The following RHD variants were observed in gnomAD, a reference collection of about 807,000 sequenced individuals.
The protein encoded by RHD is Rh blood group D antigen.
A neutral mutation model predicts 45.5 loss-of-function variants in RHD; 16 were observed. The ratio of observed to expected loss-of-function variants is 0.35; its 90% CI spans 0.24 to 0.53. RHD has a LOEUF of 0.53. Among genes scored for constraint, RHD ranks in the 20% least tolerant of loss-of-function variants. RHD has a pLI of 0.92. For missense variants in RHD, 306 were observed against 532.0 expected (o/e 0.58, Z 4.18); for synonymous variants, 131 against 217.5 (o/e 0.60, Z 3.50).
At chr1:25,307,407 T>A (rs1220237808) in intron 7 of RHD, among the ~76,000 whole-genome samples, 1 of 131,998 alleles carries the variant, frequency 7.6e-6, no homozygotes, top group East Asian at 2.0e-4. Context: ...TGGACATGGC[T>A]TATATAAAAT....
chr1:25,320,024 G>A (rs1408263436), intron 8 of RHD, among the ~76,000 whole-genome samples: 7 of 130,896 alleles, frequency 5.3e-5, no homozygotes, highest in African/African-American at 1.8e-4. Flanking sequence ...TCAGCCTCCC[G>A]AGTAGCTGGG....
At chr1:25,305,403 T>C (rs1643727460) in intron 6 of RHD, among the ~76,000 whole-genome samples, 1 of 125,652 alleles carries the variant, frequency 8.0e-6, no homozygotes, top group South Asian at 2.4e-4. Flanking sequence ...TTTATTTATT[T>C]ATTTATTTAT....
intron 1 of RHD, among the ~76,000 whole-genome samples, chr1:25,273,302 A>ATTTTTT (rs750823240): frequency 1.5e-4 from 15 of 97,772 alleles, no homozygotes; most frequent in African/African-American, 5.5e-4. Context: ...TGCCTGGCTA[A>ATTTTTT]TTTTTTTTTT....
chr1:25,283,009 ATC>A lies in RHD; in HGVS notation c.149-1553_149-1552del, dbSNP rs1030775589. On this transcript the variant is annotated intron_variant, in intron 1 of 9. Transcript: ENST00000328664. ...AATGACGGAAAAAAAATTCTTCAAG[ATC>A]TCTCTCTCTCCAGTCATTTATTCAT... Among the ~76,000 whole-genome samples the A allele has an allele frequency of 1.1e-4, 14 of 132,922 alleles. 2 individuals are homozygous for A. The highest frequency in any genetic ancestry group is 3.3e-4 in the African/African-American group (13 of 39,074). 87.2% of individuals were successfully genotyped at this position (132,922 alleles called of 152,430 possible).
chr1:25,290,213 G>C (rs1002186066), intron 2 of RHD, among the ~76,000 whole-genome samples: 1 of 129,406 alleles, frequency 7.7e-6, no homozygotes, highest in African/African-American at 2.7e-5. Context: ...GGGGTGACTG[G>C]ATGTGGGCAG....
chr1:25,321,547 A>G (rs1466123282), intron 8 of RHD, among the ~76,000 whole-genome samples: 1 of 122,444 alleles, frequency 8.2e-6, no homozygotes, highest in Admixed American at 8.1e-5. Context: ...GCAGGCGCCT[A>G]TAATCTCAGC....
At chr1:25,303,214 A>G in intron 5 of RHD, 108 bp from the exon 6 acceptor site, 1 of 1,019,242 alleles carries the variant, frequency 9.8e-7, no homozygotes, top group Non-Finnish European at 1.5e-6. Flanking sequence ...TCAGCAAAGC[A>G]GGGAGGATGT....
At chr1:25,289,114 A>G (rs563513614) in intron 2 of RHD, among the ~76,000 whole-genome samples, 2 of 131,594 alleles carry the variant, frequency 1.5e-5, no homozygotes, top group African/African-American at 5.2e-5. Flanking sequence ...ACTGTTTCCA[A>G]AAAGTCCATT....
chr1:25,318,863 T>G (rs1204342825), intron 8 of RHD, among the ~76,000 whole-genome samples: 1 of 132,518 alleles, frequency 7.5e-6, no homozygotes, highest in Admixed American at 7.4e-5. Context: ...AGGTACTTTT[T>G]GGAGTTACCT....
chr1:25,296,052 G>A (rs1283499245), intron 3 of RHD, among the ~76,000 whole-genome samples: 4 of 112,274 alleles, frequency 3.6e-5, no homozygotes, highest in Admixed American at 8.6e-5. Context: ...TAGTAGAGAC[G>A]GAGTTTTGCC....
chr1:25,286,706 A>G (rs1463488155), intron 2 of RHD, among the ~76,000 whole-genome samples: 3 of 134,020 alleles, frequency 2.2e-5, no homozygotes, highest in African/African-American at 2.6e-5. Flanking sequence ...GAATGGCGTG[A>G]ACCCGGGAGG....
rs1169915819 is a variant in RHD, at chr1:25,299,544, T to C, written c.487-1402T>C. On this transcript the variant is annotated intron_variant, in intron 3 of 9. Coordinates refer to ENST00000328664, the MANE Select transcript of RHD (RefSeq NM_016124.6). ...GTTACACCCTGGCTGGGGGTCAGCATTTCAGGCAGCTGAATGACCCAAAGT... is the reference window on the plus strand; with the variant it reads ...GTTACACCCTGGCTGGGGGTCAGCACTTCAGGCAGCTGAATGACCCAAAGT... Among the ~76,000 whole-genome samples the C allele has an allele frequency of 1.5e-5, 2 of 130,350 alleles. 1 individual carries two copies. Among genetic ancestry groups the C allele is most frequent in the Non-Finnish European group, 3.6e-5 (2 of 55,248 alleles). 85.5% of individuals were successfully genotyped at this position (130,350 alleles called of 152,430 possible).
intron 3 of RHD, chr1:25,294,741 C>T: frequency 2.1e-6 from 1 of 483,050 alleles, no homozygotes; most frequent in Non-Finnish European, 3.9e-6. Flanking sequence ...GTTCAGTCTC[C>T]TGCAGGGAGA....
At position 25,305,955 on chromosome 1, in the gene RHD, T is replaced by C. The variant is rs1277418659; in HGVS notation, c.940-641T>C. Among the ~76,000 whole-genome samples, 2 of 131,778 alleles carry C rather than the reference T, an allele frequency of 1.5e-5. 1 individual carries two copies. Among genetic ancestry groups the C allele is most frequent in the Non-Finnish European group, 3.6e-5 (2 of 55,850 alleles). 86.5% of individuals were successfully genotyped at this position (131,778 alleles called of 152,430 possible). ...ATTCTAAGGAAGGAACCAGCCTGAT[T>C]GAATTTGCATATGTGTCCACATCTG... is the stretch of plus-strand genomic sequence containing the variant. On this transcript the variant is annotated intron_variant, in intron 6 of 9. Transcript: ENST00000328664.
intron 7 of RHD, chr1:25,307,673 A>C: frequency 7.7e-7 from 1 of 1,298,716 alleles, no homozygotes; most frequent in Non-Finnish European, 1.1e-6. Flanking sequence ...CTGGCTGTAA[A>C]AATGGCTGAA....
Position 25,303,361 on chromosome 1 carries a change from G to C in RHD, c.841G>C (p.Val281Leu), listed in dbSNP as rs765261145. 3.9e-5 allele frequency: 53 copies of C among 1,373,420 alleles called. 8 individuals carry two copies. In the African/African-American group the frequency reaches 6.4e-4, roughly 17 times the overall value. The allele number at this position is 1,373,420 out of a possible 1,614,324, so 85.1% of individuals were successfully genotyped here. The part of the protein sequence containing the change: ...HSAVLAGGVA[V>L]GTSCHLIPSP... Reference sequence around the variant, plus strand: ...TGCGGTGTTGGCAGGAGGCGTGGCTGTGGGTACCTCGTGTCACCTGATCCC... The same window carrying C: ...TGCGGTGTTGGCAGGAGGCGTGGCTCTGGGTACCTCGTGTCACCTGATCCC... The change falls in exon 6 of 10, where the codon GTG (valine) becomes CTG (leucine). Residue 281 changes from valine (V) to leucine (L), a missense_variant. Transcript: ENST00000328664.
rs557746335 is a variant in RHD at position 25,276,532 on chromosome 1, TAAAA to T, written c.148+3857_148+3860del. 2.3e-3 allele frequency among the ~76,000 whole-genome samples: 147 copies of T among 64,784 alleles called. 11 individuals are homozygous for T. The highest frequency in any genetic ancestry group is 0.013 in the South Asian group (30 of 2,288). 42.5% of individuals were successfully genotyped at this position (64,784 alleles called of 152,430 possible). A position where few individuals can be genotyped will look rare whatever the true frequency, so the allele number is the denominator to read the frequency against. On this transcript the variant is annotated intron_variant, in intron 1 of 9. Coordinates refer to ENST00000328664, the MANE Select transcript of RHD (RefSeq NM_016124.6). ...ACATAGGGAGACCCCCCCCCATCTC[TAAAA>T]AAAAAAAAAAAAAAAAAAACTTTAA...
intron 7 of RHD, among the ~76,000 whole-genome samples, chr1:25,314,315 A>T (rs1406949673): frequency 3.8e-5 from 5 of 132,980 alleles, no homozygotes; most frequent in African/African-American, 1.3e-4. Context: ...ATCTCCAATA[A>T]CTAACTAAAT....
intron 1 of RHD, among the ~76,000 whole-genome samples, chr1:25,275,344 C>G (rs1241606062): frequency 1.5e-5 from 2 of 132,046 alleles, no homozygotes; most frequent in African/African-American, 2.6e-5. Flanking sequence ...GGCAGACTCA[C>G]TGGGCTGCAT....
Sources: gnomAD v4.1 joint callset for allele counts (sites outside exome capture counted in the v4.1 genomes callset) on GRCh38, gnomAD v4.1.1 for gene constraint, MANE v1.5 for transcripts, NCBI Gene and HGNC (gene_info 2026-07-23, HGNC 2026-07-21) for gene names.